Variants in NRG1 observed in about 807,000 individuals in gnomAD.
NRG1 encodes neuregulin 1.
In NRG1, 18 loss-of-function variants were observed where a neutral mutation model predicts 63.8. That is an observed-to-expected ratio of 0.28 (90% CI 0.19 to 0.42). The LOEUF is 0.42. Among genes scored for constraint, NRG1 ranks in the 10% least tolerant of loss-of-function variants. NRG1 has a pLI of 1.00. For missense variants in NRG1, 762 were observed against 814.7 expected (o/e 0.94, Z 0.79); for synonymous variants, 302 against 301.3 (o/e 1.00, Z -0.02).
chr8:31,873,919 C>T (rs752814647), intron 1 of NRG1, among the ~76,000 whole-genome samples: 1 of 152,144 alleles, frequency 6.6e-6, no homozygotes, highest in African/African-American at 2.4e-5. Context: ...GTCTTGCTCT[C>T]TTCTTAAGTT....
chr8:32,286,530 TG>T (rs958237904), intron 1 of NRG1, among the ~76,000 whole-genome samples: 1 of 152,202 alleles, frequency 6.6e-6, no homozygotes, highest in African/African-American at 2.4e-5. Context: ...GTGTGGGTCA[TG>T]GGGGCAGATC....
At chr8:31,794,000 TC>T (rs997571023) in intron 1 of NRG1, among the ~76,000 whole-genome samples, 1 of 152,166 alleles carries the variant, frequency 6.6e-6, no homozygotes, top group African/African-American at 2.4e-5. Flanking sequence ...CTTTATGTTT[TC>T]CCCAAGTGAT....
intron 1 of NRG1, among the ~76,000 whole-genome samples, chr8:32,135,819 G>A (rs1409549715): frequency 2.6e-5 from 4 of 151,954 alleles, no homozygotes; most frequent in Non-Finnish European, 1.5e-5. Context: ...CACCTAAATA[G>A]TACTTATAGA....
At chr8:32,623,325 T>C (rs936862149) in intron 5 of NRG1, among the ~76,000 whole-genome samples, 1 of 152,188 alleles carries the variant, frequency 6.6e-6, no homozygotes, top group African/African-American at 2.4e-5. Flanking sequence ...AAAAAACTTC[T>C]GGGAGCTTAG....
exon 2 of NRG1, chr8:32,595,967 A>C: frequency 6.2e-7 from 1 of 1,613,870 alleles, no homozygotes; most frequent in Non-Finnish European, 8.5e-7. Flanking sequence ...TGAATCGAAA[A>C]AACAAACCAC....
chr8:32,415,833 A>G (rs142062892), intron 1 of NRG1, among the ~76,000 whole-genome samples: 4 of 152,316 alleles, frequency 2.6e-5, no homozygotes, highest in Non-Finnish European at 5.9e-5. Flanking sequence ...ACCCTATTGA[A>G]AATCATGGCT....
intron 1 of NRG1, among the ~76,000 whole-genome samples, chr8:31,748,877 A>C (rs1336217181): frequency 6.6e-6 from 1 of 151,820 alleles, no homozygotes; most frequent in Non-Finnish European, 1.5e-5. Flanking sequence ...GAATCAATGT[A>C]CCCTACCTCT....
At chr8:32,299,557 G>T (rs1014836193) in intron 1 of NRG1, among the ~76,000 whole-genome samples, 1 of 151,940 alleles carries the variant, frequency 6.6e-6, no homozygotes. Flanking sequence ...TAATAATTTC[G>T]CTCCCTGTGT....
At chr8:31,667,072 C>T (rs1425274696) in intron 1 of NRG1, among the ~76,000 whole-genome samples, 4 of 152,274 alleles carry the variant, frequency 2.6e-5, no homozygotes, top group East Asian at 3.9e-4. Flanking sequence ...TAATTCTAAC[C>T]GAATACTCTG....
intron 1 of NRG1, among the ~76,000 whole-genome samples, chr8:31,773,346 T>C (rs1052709452): frequency 5.3e-4 from 81 of 152,192 alleles, no homozygotes; most frequent in African/African-American, 1.8e-3. Flanking sequence ...GGAGTCCTGT[T>C]CATTTGAGTT....
At chr8:31,851,377 A>G (rs1318133772) in intron 1 of NRG1, among the ~76,000 whole-genome samples, 1 of 152,184 alleles carries the variant, frequency 6.6e-6, no homozygotes. Context: ...GGATTATGTG[A>G]AAATTTTATG....
intron 5 of NRG1, among the ~76,000 whole-genome samples, chr8:32,725,187 G>T (rs1210842994): frequency 6.6e-6 from 1 of 152,068 alleles, no homozygotes; most frequent in African/African-American, 2.4e-5. Context: ...AAAAGCCTTG[G>T]CATTTGTCCT....
intron 1 of NRG1, among the ~76,000 whole-genome samples, chr8:32,416,327 C>A (rs888006601): frequency 7.5e-6 from 1 of 132,924 alleles, no homozygotes; most frequent in Admixed American, 7.6e-5. Context: ...CCCTTCCTTC[C>A]TTAATTCCTT....
At position 31,768,178 on chromosome 8, in the gene NRG1, A is replaced by G. The variant is rs896847456; in HGVS notation, c.37+128747A>G. 3.3e-5 allele frequency among the ~76,000 whole-genome samples: 5 copies of G among 152,330 alleles called. No individual in the cohort carries two copies. In the East Asian group the frequency reaches 9.6e-4, roughly 29 times the overall value. On this transcript the variant is annotated intron_variant, in intron 1 of 10. Transcript: ENST00000519301. ...CCCTAAATGATGTCATCAAGTCACT[A>G]TGCTAATGGAGATTGCTGCACTTGA...
At chr8:32,574,044 G>A (rs182537770) in intron 1 of NRG1, among the ~76,000 whole-genome samples, 9 of 152,212 alleles carry the variant, frequency 5.9e-5, no homozygotes, top group African/African-American at 2.2e-4. Context: ...TCTTAATCCA[G>A]TCTATCATTG....
chr8:32,136,227 T>C (rs550977372), intron 1 of NRG1, among the ~76,000 whole-genome samples: 1 of 152,286 alleles, frequency 6.6e-6, no homozygotes, highest in East Asian at 1.9e-4. Context: ...TTACTGCCCA[T>C]TATAAAATAT....
In NRG1 at chr8:32,215,052, A is replaced by G. The variant is rs752703281; in HGVS notation, c.38-380776A>G. On this transcript the variant is annotated intron_variant, in intron 1 of 10. Coordinates refer to the NRG1 transcript ENST00000519301. ...ATGGGGGACACCCAGTCAAATTGGA[A>G]TTTCAGATAAACAACAAATAATTTT... Among the ~76,000 whole-genome samples, 107 of 152,240 alleles carry G rather than the reference A, an allele frequency of 7.0e-4. 2 individuals are homozygous for G. Among genetic ancestry groups the G allele is most frequent in the Non-Finnish European group, 3.5e-4 (24 of 68,044 alleles).
rs73594146 is a variant in NRG1, at chr8:32,128,995, C to T, written c.38-466833C>T. ...CCAAATTTCAGCACAAAGTCACTTA[C>T]AGTGGGAATGCTTCCATGGCCCTCT... On this transcript the variant is annotated intron_variant, in intron 1 of 10. Coordinates refer to the NRG1 transcript ENST00000519301. 2.4e-3 allele frequency among the ~76,000 whole-genome samples: 361 copies of T among 152,056 alleles called. 2 individuals carry two copies. The highest frequency in any genetic ancestry group is 8.1e-3 in the African/African-American group (338 of 41,526).
At chr8:32,743,573 C>CATATATATATATATATATAT (rs71879821) in intron 7 of NRG1, among the ~76,000 whole-genome samples, 2,786 of 113,398 alleles carry the variant, frequency 0.025, 87 homozygotes, top group East Asian at 0.055. Flanking sequence ...TAAGGCAAAA[C>CATATATATATATATATATAT]ATATATATAT....
Sources: gnomAD v4.1 joint callset for allele counts (sites outside exome capture counted in the v4.1 genomes callset) on GRCh38, gnomAD v4.1.1 for gene constraint, MANE v1.5 for transcripts, NCBI Gene and HGNC (gene_info 2026-07-23, HGNC 2026-07-21) for gene names.